Variants in RIT2 observed in about 807,000 individuals in gnomAD.
RIT2 encodes the protein Ras like without CAAX 2.
RIT2 carries 24 observed loss-of-function variants against 23.7 expected under a neutral mutation model. That is an observed-to-expected ratio of 1.01 (90% confidence interval 0.73 to 1.43). The LOEUF (loss-of-function observed/expected upper bound fraction) is 1.43. RIT2 is among the 40% of genes most tolerant of loss of function. The pLI is 0.00. For synonymous variants in RIT2, 107 were observed against 91.1 expected (o/e 1.17, Z -0.99); for missense variants, 236 against 266.9 (o/e 0.88, Z 0.81).
intron 3 of RIT2, among the ~76,000 whole-genome samples, chr18:42,968,477 C>G (rs536136529): frequency 6.6e-6 from 1 of 152,130 alleles, no homozygotes; most frequent in South Asian, 2.1e-4. Flanking sequence ...TGAACTTGGC[C>G]CATTTTCCCC....
intron 1 of RIT2, among the ~76,000 whole-genome samples, chr18:43,079,113 C>A (rs76661694): frequency 6.6e-6 from 1 of 152,124 alleles, no homozygotes; most frequent in Non-Finnish European, 1.5e-5. Flanking sequence ...TATTGTTCAA[C>A]GTAGTAGCAA....
intron 1 of RIT2, among the ~76,000 whole-genome samples, chr18:43,044,927 G>C (rs1912211346): frequency 6.6e-6 from 1 of 152,078 alleles, no homozygotes; most frequent in African/African-American, 2.4e-5. Context: ...TTCACTGACT[G>C]ATTTTCAAGG....
intron 1 of RIT2, among the ~76,000 whole-genome samples, chr18:43,053,391 C>T (rs951798753): frequency 2.0e-5 from 3 of 151,850 alleles, no homozygotes; most frequent in African/African-American, 4.8e-5. Context: ...CTAGTATGCT[C>T]ATTATTGTGA....
chr18:42,812,567 TCTACTC>T (rs1905881899), intron 4 of RIT2, among the ~76,000 whole-genome samples: 1 of 152,172 alleles, frequency 6.6e-6, no homozygotes, highest in African/African-American at 2.4e-5. Context: ...TTTTAAGTGT[TCTACTC>T]CTAGGAACTT....
intron 3 of RIT2, among the ~76,000 whole-genome samples, chr18:42,972,264 T>G (rs993172962): frequency 6.6e-6 from 1 of 151,920 alleles, no homozygotes; most frequent in African/African-American, 2.4e-5. Flanking sequence ...ATATTCCCAG[T>G]GGCTTCAACA....
At chr18:42,765,396 G>C (rs1426002524) in intron 4 of RIT2, among the ~76,000 whole-genome samples, 1 of 152,164 alleles carries the variant, frequency 6.6e-6, no homozygotes, top group Non-Finnish European at 1.5e-5. Context: ...AATATTTACT[G>C]TCTCCACAGG....
At chr18:42,936,590 C>G (rs1304434442) in intron 3 of RIT2, among the ~76,000 whole-genome samples, 1 of 152,190 alleles carries the variant, frequency 6.6e-6, no homozygotes, top group African/African-American at 2.4e-5. Context: ...CCTGTTCATT[C>G]TGTGGTCTCT....
chr18:42,750,023 G>A (rs966744864), intron 4 of RIT2, among the ~76,000 whole-genome samples: 2 of 151,730 alleles, frequency 1.3e-5, no homozygotes, highest in African/African-American at 4.8e-5. Context: ...ATGTGATGCT[G>A]TTCAATGTAA....
intron 1 of RIT2, among the ~76,000 whole-genome samples, chr18:43,107,026 C>T (rs1793544764): frequency 6.6e-6 from 1 of 152,146 alleles, no homozygotes; most frequent in East Asian, 1.9e-4. Context: ...GTGAGCAGTA[C>T]AGAGGACCAC....
intron 3 of RIT2, among the ~76,000 whole-genome samples, chr18:42,955,448 C>T (rs1909949303): frequency 6.6e-6 from 1 of 152,078 alleles, no homozygotes; most frequent in Admixed American, 6.6e-5. Context: ...GTTTAAGATG[C>T]CCCAACACTC....
chr18:43,027,926 C>G (rs1219294587), intron 2 of RIT2, among the ~76,000 whole-genome samples: 1 of 152,044 alleles, frequency 6.6e-6, no homozygotes, highest in East Asian at 1.9e-4. Flanking sequence ...AAAAAAATGT[C>G]ACTGAAGTTG....
chr18:43,110,420 G>T (rs1202395456), intron 1 of RIT2, among the ~76,000 whole-genome samples: 2 of 152,210 alleles, frequency 1.3e-5, no homozygotes, highest in African/African-American at 4.8e-5. Flanking sequence ...AGAACCAGAT[G>T]TGAAGCCAAG....
chr18:42,950,059 T>C lies in RIT2; in HGVS notation c.234+24015A>G, dbSNP rs1436057327. 2.0e-5 allele frequency among the ~76,000 whole-genome samples: 3 copies of C among 152,214 alleles called. No homozygotes were observed. In the East Asian group the frequency reaches 5.8e-4, roughly 29 times the overall value. Reference sequence around the variant, plus strand: ...TGAGGCTTGTACCCAAAACTAGAAGTTGCCTATTTTACTTCTTCCAACATT... The same window carrying C: ...TGAGGCTTGTACCCAAAACTAGAAGCTGCCTATTTTACTTCTTCCAACATT... On this transcript the variant is annotated intron_variant, in intron 3 of 4. Transcript: ENST00000326695.
intron 1 of RIT2, among the ~76,000 whole-genome samples, chr18:43,093,247 T>G (rs1913467519): frequency 6.6e-6 from 1 of 152,046 alleles, no homozygotes; most frequent in Non-Finnish European, 1.5e-5. Flanking sequence ...GTATTTCTTG[T>G]TAAATTGTGT....
At chr18:42,866,773 T>C (rs1285101273) in intron 4 of RIT2, among the ~76,000 whole-genome samples, 3 of 152,184 alleles carry the variant, frequency 2.0e-5, no homozygotes, top group Admixed American at 2.0e-4. Flanking sequence ...AACCTCAGTA[T>C]TATTTAGCTC....
chr18:42,835,498 CA>C (rs1378343949), intron 4 of RIT2, among the ~76,000 whole-genome samples: 4 of 152,058 alleles, frequency 2.6e-5, no homozygotes, highest in African/African-American at 7.2e-5. Flanking sequence ...TATTATCTTT[CA>C]AAAACTTCTC....
At chr18:42,984,996 A>G (rs1371890422) in intron 2 of RIT2, among the ~76,000 whole-genome samples, 1 of 152,224 alleles carries the variant, frequency 6.6e-6, no homozygotes. Context: ...GCCTCTATTC[A>G]TGAAAAATAT....
At chr18:42,759,312 T>C (rs1033478856) in intron 4 of RIT2, among the ~76,000 whole-genome samples, 2 of 152,118 alleles carry the variant, frequency 1.3e-5, no homozygotes, top group African/African-American at 4.8e-5. Flanking sequence ...ATGAAGAAAA[T>C]TTGAATTTCT....
chr18:43,080,738 G>A (rs566232162), intron 1 of RIT2, among the ~76,000 whole-genome samples: 17 of 152,292 alleles, frequency 1.1e-4, no homozygotes, highest in Non-Finnish European at 2.2e-4. Flanking sequence ...ATTTACTGCA[G>A]AAGACACCAA....
Sources: allele counts gnomAD v4.1 joint callset (sites outside exome capture counted in the v4.1 genomes callset), GRCh38; gene constraint gnomAD v4.1.1; transcripts MANE v1.5; gene names NCBI Gene and HGNC (gene_info 2026-07-23, HGNC 2026-07-21).